Variants in FDXACB1 observed in about 807,000 individuals in gnomAD.
FDXACB1 encodes the protein ferredoxin-fold anticodon binding domain containing 1.
FDXACB1 carries 41 observed loss-of-function variants against 51.7 expected under a neutral mutation model. That is an observed-to-expected ratio of 0.79 (90% confidence interval 0.62 to 1.03). FDXACB1 has a LOEUF of 1.03. Ranked by LOEUF, FDXACB1 falls within the 50% of genes least tolerant of loss-of-function variation. The pLI is 0.00. For synonymous variants in FDXACB1, 273 were observed against 278.6 expected, an observed-to-expected ratio of 0.98 and a Z score of 0.20; for missense variants, 697 against 746.4, an observed-to-expected ratio of 0.93 and a Z score of 0.77.
Position 111,875,454 on chromosome 11 carries a change from T to C in FDXACB1, c.1343A>G (p.Tyr448Cys). The C allele has an allele frequency of 6.2e-7, 1 of 1,613,164 alleles. No homozygotes were observed. The highest frequency in any genetic ancestry group is 1.7e-5 in the Admixed American group (1 of 59,860). ...KFVLQSNGKD[Y>C]MIRVKTHNFS... ...ATTATGAGTCTTCACACGAATCATA[T>C]AATCCTTTCCATTTGACTGAAGGAC... The change falls in exon 5 of 5, where the codon TAT becomes TGT. Residue 448 changes from tyrosine to cysteine, a missense_variant. Transcript: ENST00000260257.
In FDXACB1 at chr11:111,876,217, A is replaced by G. The variant is rs1460383160; in HGVS notation, c.693-113T>C. ...ACAGAAAAGAATTATCTTTAAATTG[A>G]TCTTGAAAGGAAACAAAGAAATCAT... On this transcript the variant is annotated intron_variant, in intron 4 of 4. Coordinates refer to ENST00000260257, the MANE Select transcript of FDXACB1 (RefSeq NM_138378.3). The G allele has an allele frequency of 2.9e-6, 3 of 1,042,136 alleles. No homozygotes were observed. The South Asian group carries it at 5.2e-5, about 18-fold the overall frequency. The allele number at this position is 1,042,136 out of a possible 1,614,324, so 64.6% of individuals were successfully genotyped here.
chr11:111,878,875 T>G (rs1555162604), intron 1 of FDXACB1, 86 bp downstream of exon 1: 1 of 1,531,960 alleles, frequency 6.5e-7, no homozygotes, highest in African/African-American at 1.4e-5. Flanking sequence ...AATCTCCACG[T>G]GGGTTACATC....
rs569537506 is a variant in FDXACB1 at position 111,878,681 on chromosome 11, G to C, written c.204C>G (p.Thr68=). 1 of 1,611,914 alleles carries C rather than the reference G, an allele frequency of 6.2e-7. No individual in the cohort carries two copies. Among genetic ancestry groups the C allele is most frequent in the Non-Finnish European group, 8.5e-7 (1 of 1,179,138 alleles). The change falls in exon 2 of 5, where the codon ACC becomes ACG. Residue 68 remains threonine (T), a synonymous_variant. Transcript: ENST00000260257. ...GIDVRFGVDC[T]QLADVFELHE... is the part of the protein sequence containing the mutation. ...GCAGTTCAAAGACATCTGCCAGCTGGGTGCAGTCCACACCGAAACGTACAT... is the reference window on the plus strand; with the variant it reads ...GCAGTTCAAAGACATCTGCCAGCTGCGTGCAGTCCACACCGAAACGTACAT...
Position 111,878,681 on chromosome 11 carries a change from G to T in FDXACB1, c.204C>A (p.Thr68=), listed in dbSNP as rs569537506. The change falls in exon 2 of 5, where the codon ACC becomes ACA. Residue 68 remains threonine (T), a synonymous_variant. Coordinates refer to ENST00000260257, the MANE Select transcript of FDXACB1 (RefSeq NM_138378.3). ...GCAGTTCAAAGACATCTGCCAGCTG[G>T]GTGCAGTCCACACCGAAACGTACAT... ...GIDVRFGVDC[T]QLADVFELHE... 4 of 1,612,032 alleles carry T rather than the reference G, an allele frequency of 2.5e-6. No individual in the cohort carries two copies. In the African/African-American group the frequency reaches 4.0e-5, roughly 16 times the overall value.
At position 111,878,996 on chromosome 11, in the gene FDXACB1, A is replaced by G. The variant is rs577881821; in HGVS notation, c.137T>C (p.Leu46Pro). ...QRPAELARDP[L>P]AWENLQCLRE... ...CAGGCACTGCAGATTCTCCCAGGCC[A>G]GTGGATCCCGAGCCAACTCGGCCGG... The change falls in exon 1 of 5, where the codon CTG becomes CCG. Residue 46 changes from leucine (L) to proline (P), a missense_variant. This residue lies in a region of FDXACB1 where 153 missense variants were observed against 133.5 expected (regional missense o/e 1.15). Transcript: ENST00000260257. The G allele has an allele frequency of 1.9e-6, 3 of 1,611,386 alleles. No homozygotes were observed. Among genetic ancestry groups the G allele is most frequent in the South Asian group, 1.1e-5 (1 of 90,670 alleles).
In FDXACB1 at chr11:111,878,542, G is replaced by C; in HGVS notation, c.329+14C>G. The C allele has an allele frequency of 6.4e-7, 1 of 1,571,858 alleles. No homozygotes were observed. The highest frequency in any genetic ancestry group is 1.2e-5 in the South Asian group (1 of 85,528). On this transcript the variant is annotated intron_variant, in intron 2 of 4. Transcript: ENST00000260257. ...TCTTAAACATTTTCCTTGTGAGGGCGCTCCTTTCCTCACCTTTGGAAAAAT... is the reference window on the plus strand; with the variant it reads ...TCTTAAACATTTTCCTTGTGAGGGCCCTCCTTTCCTCACCTTTGGAAAAAT...
chr11:111,877,502 CTGTT>C (rs1964840022), intron 2 of FDXACB1, among the ~76,000 whole-genome samples: 1 of 146,296 alleles, frequency 6.8e-6, no homozygotes. Flanking sequence ...TTTTATGAGG[CTGTT>C]AGTTACTTTT....
intron 2 of FDXACB1, among the ~76,000 whole-genome samples, 177 bp from the exon 3 acceptor site, chr11:111,877,188 A>G (rs1323297321): frequency 1.3e-5 from 2 of 152,260 alleles, no homozygotes; most frequent in African/African-American, 4.8e-5. Flanking sequence ...AAATAGAAGC[A>G]TAAATTAAAT....
rs1964769364 is a variant in FDXACB1, at chr11:111,874,699, G to A, written c.*223C>T. On this transcript the variant is annotated 3_prime_UTR_variant, in exon 5 of 5. Transcript: ENST00000260257. ...GAACCTGGGAGGTGGAGCTTATAGT[G>A]AGCTGATATCATGCCACTGCCACTG... 1 of 512,300 alleles carries A rather than the reference G, an allele frequency of 2.0e-6. No individual in the cohort carries two copies. Among genetic ancestry groups the A allele is most frequent in the African/African-American group, 2.0e-5 (1 of 51,108 alleles). The allele number at this position is 512,300 out of a possible 1,614,324, so 31.7% of individuals were successfully genotyped here.
chr11:111,879,101 T>G lies in FDXACB1; in HGVS notation c.32A>C (p.Glu11Ala). The change falls in exon 1 of 5, where the codon GAG becomes GCG. Residue 11 changes from glutamate to alanine, a missense_variant. Around this residue, in one of 3 missense-constraint regions of FDXACB1, gnomAD observed 153 missense variants for 133.5 expected, o/e 1.15. Coordinates refer to ENST00000260257, the MANE Select transcript of FDXACB1 (RefSeq NM_138378.3). ...AGCGGCGGCGAAGGAGAAATTCCCC[T>G]CCCCAACCAACAGGAGGCGCCGAGG... Reference protein sequence around the residue: MAPRRLLLVGEGNFSFAAALS... With the variant: MAPRRLLLVGAGNFSFAAALS... 6.2e-7 allele frequency: 1 copy of G among 1,612,638 alleles called. No homozygotes were observed. Among genetic ancestry groups the G allele is most frequent in the South Asian group, 1.1e-5 (1 of 91,050 alleles).
At chr11:111,876,761 TGA>T in intron 3 of FDXACB1, 45 bp downstream of exon 3, 1 of 1,599,738 alleles carries the variant, frequency 6.3e-7, no homozygotes, top group South Asian at 1.1e-5. Flanking sequence ...TTATCATTAG[TGA>T]GAGAGATGAA....
In FDXACB1 at chr11:111,878,629, A is replaced by C. The variant is rs781882088; in HGVS notation, c.256T>G (p.Phe86Val). The part of the protein sequence containing the change: ...LHEREFDQIY[F>V]IFPHCGRKAG... ...TTGCGTCCACAATGCGGGAAGATGA[A>C]ATAAATTTGATCAAATTCTCTCTCG... Residue 86 changes from phenylalanine to valine, a missense_variant, in exon 2 of 5, where the codon TTC becomes GTC. Phe to Val is a conservative substitution (Grantham distance 50). Coordinates refer to ENST00000260257, the MANE Select transcript of FDXACB1 (RefSeq NM_138378.3). The C allele has an allele frequency of 2.7e-5, 44 of 1,606,264 alleles. No homozygotes were observed. In the South Asian group the frequency reaches 4.8e-4, roughly 18 times the overall value.
intron 2 of FDXACB1, among the ~76,000 whole-genome samples, 163 bp downstream of exon 2, chr11:111,878,393 G>A (rs572762761): frequency 2.1e-4 from 32 of 152,178 alleles, no homozygotes; most frequent in South Asian, 1.9e-3. Flanking sequence ...AGCATTTAGG[G>A]TTTATATATC....
At position 111,875,948 on chromosome 11, in the gene FDXACB1, G is replaced by C. The variant is rs1185883110; in HGVS notation, c.849C>G (p.Asp283Glu). The change falls in exon 5 of 5, where the codon GAC becomes GAG. Residue 283 changes from aspartate (D) to glutamate (E), a missense_variant. Coordinates refer to ENST00000260257, the MANE Select transcript of FDXACB1 (RefSeq NM_138378.3). ...TAATCCAAAAAGCAGCTGACAGAAA[G>C]TCACAATTCCAGAAAGGAAGAACAC... The part of the protein sequence containing the change: ...GTSVLPFWNC[D>E]FLSAAFWISL... The C allele has an allele frequency of 1.2e-6, 2 of 1,613,848 alleles. No individual in the cohort carries two copies. The highest frequency in any genetic ancestry group is 2.7e-5 in the African/African-American group (2 of 74,920).
In FDXACB1 at chr11:111,876,557, T is replaced by C; in HGVS notation, c.616A>G (p.Arg206Gly). ...RSLPFEGSQP[R>G]IFRIKLGNQW... Reference sequence around the variant, plus strand: ...TTACCCAGTTTGATCCTGAAGATTCTGGGTTGAGAACCTTCAAAAGGTAAG... The same window carrying C: ...TTACCCAGTTTGATCCTGAAGATTCCGGGTTGAGAACCTTCAAAAGGTAAG... Residue 206 changes from arginine to glycine, a missense_variant, in exon 4 of 5, where the codon AGA becomes GGA. Arg to Gly is a moderately radical substitution (Grantham distance 125). Coordinates refer to ENST00000260257, the MANE Select transcript of FDXACB1 (RefSeq NM_138378.3). The C allele has an allele frequency of 6.2e-7, 1 of 1,614,068 alleles. No individual in the cohort carries two copies. The highest frequency in any genetic ancestry group is 8.5e-7 in the Non-Finnish European group (1 of 1,179,900).
At position 111,874,731 on chromosome 11, in the gene FDXACB1, C is replaced by T. The variant is rs1484890720; in HGVS notation, c.*191G>A. On this transcript the variant is annotated 3_prime_UTR_variant, in exon 5 of 5. Transcript: ENST00000260257. ...TATCATGCCACTGCCACTGCACTCC[C>T]GCCTGGGCGGCAGAGCAAGACTCCG... 1 of 587,322 alleles carries T rather than the reference C, an allele frequency of 1.7e-6. No homozygotes were observed. Among genetic ancestry groups the T allele is most frequent in the Non-Finnish European group, 2.9e-6 (1 of 339,740 alleles). 36.4% of individuals were successfully genotyped at this position (587,322 alleles called of 1,614,324 possible).
At position 111,876,798 on chromosome 11, in the gene FDXACB1, T is replaced by C. The variant is rs2137346287; in HGVS notation, c.533+10A>G. The C allele has an allele frequency of 1.2e-6, 2 of 1,613,646 alleles. No homozygotes were observed. The highest frequency in any genetic ancestry group is 1.7e-6 in the Non-Finnish European group (2 of 1,179,736). On this transcript the variant is annotated intron_variant, in intron 3 of 4. Transcript: ENST00000260257. The stretch of plus-strand genomic sequence containing the variant: ...AAACGCAGAAGGCTTAAACCTATGC[T>C]ATTACCTACCTATATCCAGTGCACT...
At position 111,875,098 on chromosome 11, in the gene FDXACB1, T is replaced by C. The variant is rs369394719; in HGVS notation, c.1699A>G (p.Ile567Val). The C allele has an allele frequency of 1.5e-5, 25 of 1,613,818 alleles. No homozygotes were observed. The African/African-American group carries it at 2.5e-4, about 16-fold the overall frequency. ...TVARAVSQDT[I>V]ISIQFLSRFQ... ...CGGCTAAGAAACTGTATGGATATAATAGTGTCCTGAGACACTGCTCGGGCC... is the reference window on the plus strand; with the variant it reads ...CGGCTAAGAAACTGTATGGATATAACAGTGTCCTGAGACACTGCTCGGGCC... Residue 567 changes from isoleucine (I) to valine (V), a missense_variant, in exon 5 of 5, where the codon ATT (isoleucine) becomes GTT (valine). By Grantham distance (29) the Ile-to-Val change is conservative. Transcript: ENST00000260257.
intron 2 of FDXACB1, among the ~76,000 whole-genome samples, chr11:111,877,512 CTTTTTTTTT>C (rs35506169): frequency 2.8e-5 from 3 of 106,916 alleles, no homozygotes; most frequent in Non-Finnish European, 5.6e-5. Context: ...CTGTTAGTTA[CTTTTTTTTT>C]TTTTTTTTTT....
Sources: gnomAD v4.1 joint callset for allele counts (sites outside exome capture counted in the v4.1 genomes callset) on GRCh38, gnomAD v4.1.1 for gene constraint, gnomAD v4.1.1 regional missense constraint, MANE v1.5 for transcripts, NCBI Gene and HGNC (gene_info 2026-07-23, HGNC 2026-07-21) for gene names.